Variants in COL4A4 observed in about 807,000 individuals in gnomAD.
The protein encoded by COL4A4 is collagen alpha-4(IV) chain.
Under a neutral mutation model 192.9 loss-of-function variants are expected in COL4A4, and 105 were observed. The ratio of observed to expected loss-of-function variants is 0.54; its 90% CI spans 0.46 to 0.64. The LOEUF (loss-of-function observed/expected upper bound fraction) is 0.64. COL4A4 is among the 30% of genes least tolerant of loss of function. The probability of loss-of-function intolerance (pLI) is 0.00; values close to 1 mark genes in which losing one functional copy is unlikely to be tolerated. For missense variants in COL4A4, 1,967 were observed against 2,169.3 expected, an observed-to-expected ratio of 0.91 and a Z score of 1.85; for synonymous variants, 762 against 769.9, an observed-to-expected ratio of 0.99 and a Z score of 0.17.
intron 18 of COL4A4, among the ~76,000 whole-genome samples, chr2:227,099,253 G>A (rs2060371397): frequency 6.6e-6 from 1 of 152,084 alleles, no homozygotes; most frequent in African/African-American, 2.4e-5. Context: ...TATTAGTAGA[G>A]ATGGGATTTC....
At position 227,103,069 on chromosome 2, in the gene COL4A4, C is replaced by A; in HGVS notation, c.870+75G>T. ...TTAGCACTTAAAGCAATGATAAAGA[C>A]CATGAGAAATAACATTTTAAGTTAA... On this transcript the variant is annotated intron_variant, in intron 14 of 47. Coordinates refer to ENST00000396625, the MANE Select transcript of COL4A4 (RefSeq NM_000092.5). 3 of 1,344,208 alleles carry A rather than the reference C, an allele frequency of 2.2e-6. No homozygotes were observed. The Admixed American group carries it at 5.6e-5, about 25-fold the overall frequency. 83.3% of individuals were successfully genotyped at this position (1,344,208 alleles called of 1,614,324 possible).
At chr2:227,050,272 G>A (rs1290412875) in intron 33 of COL4A4, 141 bp from the exon 34 acceptor site, 5 of 740,498 alleles carry the variant, frequency 6.8e-6, no homozygotes, top group Non-Finnish European at 1.2e-5. Flanking sequence ...ATGCATGCAA[G>A]CCTCCCACTA....
chr2:227,036,289 T>A (rs893237073), intron 37 of COL4A4, among the ~76,000 whole-genome samples: 2 of 152,140 alleles, frequency 1.3e-5, no homozygotes, highest in African/African-American at 4.8e-5. Flanking sequence ...ATGACTGCAT[T>A]CCCACTCTCA....
intron 43 of COL4A4, among the ~76,000 whole-genome samples, chr2:227,023,307 G>C (rs1966376431): frequency 6.6e-6 from 1 of 151,790 alleles, no homozygotes; most frequent in Non-Finnish European, 1.5e-5. Flanking sequence ...GCTGGGTGTA[G>C]TGGCAAGTGC....
At chr2:227,125,168 G>A (rs367844173) in intron 4 of COL4A4, among the ~76,000 whole-genome samples, 11 of 152,184 alleles carry the variant, frequency 7.2e-5, no homozygotes, top group African/African-American at 2.6e-4. Context: ...ATAGAAACGT[G>A]TGCTGATTTG....
Position 227,050,086 on chromosome 2 carries a change from C to A in COL4A4, c.3196G>T (p.Gly1066Ter), listed in dbSNP as rs1333536476. 2 of 1,614,164 alleles carry A rather than the reference C, an allele frequency of 1.2e-6. No individual in the cohort carries two copies. The highest frequency in any genetic ancestry group is 2.7e-5 in the African/African-American group (2 of 75,046). Residue 1066 changes from glycine to a stop codon, truncating the protein, a stop_gained, in exon 34 of 48, where the codon GGA becomes TGA. Coordinates refer to ENST00000396625, the MANE Select transcript of COL4A4 (RefSeq NM_000092.5). LOFTEE classifies it high-confidence loss of function. ...PGPPGFSGIDGARGPKGNKGD... is the reference protein window; with the variant it reads ...PGPPGFSGID ...ACCATACCTTTAGGTCCTCTTGCTC[C>A]ATCAATTCCTGAAAATCCAGGGGGA... is the stretch of plus-strand genomic sequence containing the variant.
In COL4A4 at chr2:227,033,448, T is replaced by G; in HGVS notation, c.3539A>C (p.His1180Pro). ...PSGSPGLNGLHGLKGQKGTKG... is the reference protein window; with the variant it reads ...PSGSPGLNGLPGLKGQKGTKG... ...AGTTCCTTTCTGACCTTTCAATCCA[T>G]GCAAGCCGTTCAGGCCAGGTGATCC... The change falls in exon 38 of 48, where the codon CAT (histidine) becomes CCT (proline). Residue 1180 changes from histidine to proline, a missense_variant. Transcript: ENST00000396625. 6.2e-7 allele frequency: 1 copy of G among 1,613,658 alleles called. No homozygotes were observed. The highest frequency in any genetic ancestry group is 1.7e-5 in the Admixed American group (1 of 60,016).
chr2:227,008,099 C>CACCGCCTGGGCCGGGGCCTCGCAT lies in COL4A4; in HGVS notation c.4704_4727dup (p.Cys1569_Val1576dup), dbSNP rs772457149. ...TGGACTGGTCCTGGCTGTGCACCGC[C>CACCGCCTGGGCCGGGGCCTCGCAT]ACCGCCTGGGCCGGGGCCTCGCATA... On this transcript the variant is annotated inframe_insertion, in exon 47 of 48. Transcript: ENST00000396625. 6 of 1,614,132 alleles carry CACCGCCTGGGCCGGGGCCTCGCAT rather than the reference C, an allele frequency of 3.7e-6. No individual in the cohort carries two copies. The highest frequency in any genetic ancestry group is 5.1e-6 in the Non-Finnish European group (6 of 1,180,020).
chr2:227,163,589 C>T (rs2065031503), intron 1 of COL4A4, among the ~76,000 whole-genome samples: 2 of 152,398 alleles, frequency 1.3e-5, no homozygotes, highest in South Asian at 4.1e-4. Context: ...GAGGACCGTG[C>T]CCTGGCACAT....
the COL4A4 span, chr2:226,988,642 C>T: frequency 7.6e-7 from 1 of 1,324,210 alleles, no homozygotes; most frequent in Non-Finnish European, 9.6e-7. Flanking sequence ...CCTGGAGCTT[C>T]TGAGAGGAAG....
At chr2:226,995,825 T>C in the COL4A4 span, 1 of 354,024 alleles carries the variant, frequency 2.8e-6, no homozygotes, top group African/African-American at 2.1e-5. Flanking sequence ...CTCGGTCTGC[T>C]TTTGAAGACT....
intron 24 of COL4A4, among the ~76,000 whole-genome samples, chr2:227,080,113 C>T (rs1440401662): frequency 6.6e-6 from 1 of 152,198 alleles, no homozygotes; most frequent in Non-Finnish European, 1.5e-5. Flanking sequence ...CTCCACCCCA[C>T]AGAGTCAACT....
At chr2:227,041,925 A>AGAAG (rs1427010303) in intron 37 of COL4A4, among the ~76,000 whole-genome samples, 1 of 151,446 alleles carries the variant, frequency 6.6e-6, no homozygotes, top group Non-Finnish European at 1.5e-5. Flanking sequence ...AAAGAAAGAA[A>AGAAG]ATGGTAGCAC....
At chr2:227,110,282 T>C (rs181155867) in intron 9 of COL4A4, among the ~76,000 whole-genome samples, 24 of 152,336 alleles carry the variant, frequency 1.6e-4, no homozygotes, top group African/African-American at 5.1e-4. Context: ...AACAGCAACA[T>C]TGAGGTATCA....
At chr2:227,074,488 T>C (rs972942618) in intron 25 of COL4A4, among the ~76,000 whole-genome samples, 3 of 152,134 alleles carry the variant, frequency 2.0e-5, no homozygotes, top group Admixed American at 2.0e-4. Flanking sequence ...AGAAAACAAG[T>C]GTGGAGATTC....
At chr2:227,141,171 G>C (rs2063183447) in intron 3 of COL4A4, among the ~76,000 whole-genome samples, 1 of 152,188 alleles carries the variant, frequency 6.6e-6, no homozygotes, top group Non-Finnish European at 1.5e-5. Flanking sequence ...CTAGGTGCTA[G>C]GACCCAAGGG....
intron 37 of COL4A4, among the ~76,000 whole-genome samples, chr2:227,041,859 AAAGAAAGAAAGAAAGAAAGAAAGAAAG>A (rs1971381445): frequency 9.6e-6 from 1 of 103,802 alleles, no homozygotes; most frequent in African/African-American, 4.4e-5. Flanking sequence ...AGAAAGAAAG[AAAGAAAGAAAGAAAGAAAGAAAGAAAG>A]AAAGAAAGAA....
chr2:227,104,153 T>C (rs763240714), intron 12 of COL4A4, 101 bp from the exon 13 acceptor site: 6 of 958,708 alleles, frequency 6.3e-6, no homozygotes, highest in Non-Finnish European at 1.0e-5. Context: ...CTATGTGTCA[T>C]GGATTTAAAA....
At position 227,027,925 on chromosome 2, in the gene COL4A4, C is replaced by T. The variant is rs747708741; in HGVS notation, c.4058G>A (p.Arg1353Lys). 2.5e-6 allele frequency: 4 copies of T among 1,613,810 alleles called. No homozygotes were observed. The highest frequency in any genetic ancestry group is 3.4e-6 in the Non-Finnish European group (4 of 1,179,720). ...GEKGLPGPPGRKGPTGLPGPR... is the reference protein window; with the variant it reads ...GEKGLPGPPGKKGPTGLPGPR... ...ACCCGGAAGACCAGTGGGCCCTTTT[C>T]TCCCTGGAGGTCCAGGTAAACCCTT... The change falls in exon 42 of 48, where the codon AGA (arginine) becomes AAA (lysine). Residue 1353 changes from arginine to lysine, a missense_variant. Arg to Lys is a conservative substitution (Grantham distance 26, BLOSUM62 2). Coordinates refer to ENST00000396625, the MANE Select transcript of COL4A4 (RefSeq NM_000092.5).
Sources: allele counts gnomAD v4.1 joint callset (sites outside exome capture counted in the v4.1 genomes callset), GRCh38; gene constraint gnomAD v4.1.1; transcripts MANE v1.5; gene names NCBI Gene and HGNC (gene_info 2026-07-23, HGNC 2026-07-21).